The following DNAI4 variants were observed in gnomAD, a reference collection of about 807,000 sequenced individuals.
The protein encoded by DNAI4 is dynein axonemal intermediate chain 4.
DNAI4 carries 85 observed loss-of-function variants against 105.8 expected under a neutral mutation model. The observed-to-expected ratio is 0.80, with a 90% CI of 0.67 to 0.96. The LOEUF is 0.96. Ranked by LOEUF, DNAI4 falls within the 40% of genes least tolerant of loss-of-function variation. DNAI4 has a pLI of 0.00. For synonymous variants in DNAI4, 352 were observed against 331.5 expected (o/e 1.06, Z -0.67); for missense variants, 1,014 against 1,005.6 (o/e 1.01, Z -0.11).
intron 8 of DNAI4, among the ~76,000 whole-genome samples, chr1:66,844,014 G>A (rs1646211718): frequency 7.2e-6 from 1 of 138,156 alleles, no homozygotes; most frequent in South Asian, 2.2e-4. Context: ...GCCAGGAACA[G>A]TGGCTCATGT....
intron 1 of DNAI4, among the ~76,000 whole-genome samples, chr1:66,918,793 A>AT (rs985220673): frequency 6.6e-5 from 10 of 152,238 alleles, no homozygotes; most frequent in East Asian, 1.9e-4. Flanking sequence ...TCTCCAAAAG[A>AT]TTTTTTTAAA....
At chr1:66,888,435 C>T (rs1292129410) in intron 4 of DNAI4, among the ~76,000 whole-genome samples, 2 of 152,140 alleles carry the variant, frequency 1.3e-5, no homozygotes, top group African/African-American at 4.8e-5. Context: ...TGGCTCACGC[C>T]TGTAATCCCA....
At chr1:66,837,383 A>AAAC (rs1646049905) in intron 10 of DNAI4, among the ~76,000 whole-genome samples, 1 of 151,636 alleles carries the variant, frequency 6.6e-6, no homozygotes, top group East Asian at 1.9e-4. Context: ...AAAAAAAAAA[A>AAAC]ACATAATTTT....
At chr1:66,905,865 T>C (rs1307911741) in intron 1 of DNAI4, among the ~76,000 whole-genome samples, 1 of 151,968 alleles carries the variant, frequency 6.6e-6, no homozygotes, top group East Asian at 1.9e-4. Flanking sequence ...GATTTAAACA[T>C]GATTAATAAA....
rs928756541 is a variant in DNAI4 at position 66,892,146 on chromosome 1, G to T, written c.531-880C>A. Among the ~76,000 whole-genome samples the T allele has an allele frequency of 7.2e-5, 11 of 152,256 alleles. 2 individuals are homozygous for T. The highest frequency in any genetic ancestry group is 1.3e-4 in the Admixed American group (2 of 15,284). ...ACATATGAACTTAGCAGTACTCCAT[G>T]GTATTACATACTTTCTTTTTTGTTC... On this transcript the variant is annotated intron_variant, in intron 3 of 16. Transcript: ENST00000371026.
At chr1:66,903,681 A>T (rs1347008232) in intron 2 of DNAI4, among the ~76,000 whole-genome samples, 1 of 152,118 alleles carries the variant, frequency 6.6e-6, no homozygotes, top group African/African-American at 2.4e-5. Context: ...TTTTTAGTAG[A>T]GACGGGGTTT....
intron 15 of DNAI4, 34 bp from the exon 16 acceptor site, chr1:66,822,551 G>T: frequency 2.7e-6 from 4 of 1,498,318 alleles, no homozygotes; most frequent in Non-Finnish European, 3.6e-6. Flanking sequence ...AAATTCAATT[G>T]TTATATTAAT....
chr1:66,910,078 T>C (rs1348439664), intron 1 of DNAI4, among the ~76,000 whole-genome samples: 1 of 152,142 alleles, frequency 6.6e-6, no homozygotes, highest in Admixed American at 6.5e-5. Flanking sequence ...TTGGGCACAG[T>C]GACTTATGCC....
At position 66,840,646 on chromosome 1, in the gene DNAI4, A is replaced by G. The variant is rs746352394; in HGVS notation, c.1317T>C (p.Asp439=). The change falls in exon 9 of 17, where the codon GAT becomes GAC. Residue 439 remains aspartate (D), a synonymous_variant. Transcript: ENST00000371026. ...LKEPEPEEPE[D]VLESAKHEEV... ...CTTCATGTTTTGCACTTTCTAAAAC[A>G]TCTTCAGGCTCTTCAGGTTCAGGTT... The G allele has an allele frequency of 3.7e-6, 6 of 1,614,212 alleles. No homozygotes were observed. The South Asian group carries it at 5.5e-5, about 15-fold the overall frequency.
intron 8 of DNAI4, 53 bp from the exon 9 acceptor site, chr1:66,840,724 G>T: frequency 6.3e-7 from 1 of 1,577,008 alleles, no homozygotes; most frequent in Non-Finnish European, 8.7e-7. Flanking sequence ...ATAGGGACCT[G>T]CCAAAGGCTC....
intron 8 of DNAI4, among the ~76,000 whole-genome samples, chr1:66,843,827 T>C (rs1184029783): frequency 6.6e-6 from 1 of 152,200 alleles, no homozygotes; most frequent in Non-Finnish European, 1.5e-5. Flanking sequence ...GGCAGATCTA[T>C]TACTAGGCTC....
At chr1:66,848,260 T>C (rs931336248) in intron 7 of DNAI4, 1 of 456,176 alleles carries the variant, frequency 2.2e-6, no homozygotes, top group Non-Finnish European at 4.4e-6. Flanking sequence ...GCAACATTGA[T>C]TGCATTCCCG....
intron 13 of DNAI4, among the ~76,000 whole-genome samples, chr1:66,830,504 C>T (rs938389555): frequency 5.4e-4 from 82 of 151,800 alleles, no homozygotes; most frequent in African/African-American, 1.8e-3. Context: ...AGGCCAGGCG[C>T]GGTGGCCGAA....
At chr1:66,877,153 C>A (rs1292279276) in intron 4 of DNAI4, among the ~76,000 whole-genome samples, 2 of 152,142 alleles carry the variant, frequency 1.3e-5, no homozygotes, top group Non-Finnish European at 2.9e-5. Flanking sequence ...CCTTCCTTGG[C>A]CTCTACTTTA....
chr1:66,849,068 C>A lies in DNAI4; in HGVS notation c.1097-1390G>T, dbSNP rs565212287. 3.9e-5 allele frequency among the ~76,000 whole-genome samples: 6 copies of A among 152,262 alleles called. No individual in the cohort carries two copies. The South Asian group carries it at 1.0e-3, about 26-fold the overall frequency. On this transcript the variant is annotated intron_variant, in intron 7 of 16. Coordinates refer to ENST00000371026, the MANE Select transcript of DNAI4 (RefSeq NM_024763.5). ...CCCCTTCCTACAGTGTCAGTGGAGACCAGCTGGGGATCCTGGAATTCCAAC... is the reference window on the plus strand; with the variant it reads ...CCCCTTCCTACAGTGTCAGTGGAGAACAGCTGGGGATCCTGGAATTCCAAC...
chr1:66,848,413 C>T (rs1386824262), intron 7 of DNAI4: 2 of 365,426 alleles, frequency 5.5e-6, no homozygotes, highest in Non-Finnish European at 1.1e-5. Flanking sequence ...ATTGTAATCA[C>T]ATCTGGAAAA....
chr1:66,872,694 T>A (rs1476979744), intron 5 of DNAI4, among the ~76,000 whole-genome samples: 2 of 152,132 alleles, frequency 1.3e-5, no homozygotes, highest in African/African-American at 4.8e-5. Context: ...AAATTACTTT[T>A]ATATTCCAAT....
chr1:66,880,350 C>T (rs1029118390), intron 4 of DNAI4, among the ~76,000 whole-genome samples: 2 of 152,116 alleles, frequency 1.3e-5, no homozygotes, highest in South Asian at 2.1e-4. Context: ...CAGAAGAAGA[C>T]AGGAAAATGT....
chr1:66,911,765 A>T (rs1649673812), intron 1 of DNAI4, among the ~76,000 whole-genome samples: 1 of 152,236 alleles, frequency 6.6e-6, no homozygotes, highest in Non-Finnish European at 1.5e-5. Flanking sequence ...TTGTGAAGGA[A>T]GGAGTCAAGC....
Sources: gnomAD v4.1 joint callset for allele counts (sites outside exome capture counted in the v4.1 genomes callset) on GRCh38, gnomAD v4.1.1 for gene constraint, MANE v1.5 for transcripts, NCBI Gene and HGNC (gene_info 2026-07-23, HGNC 2026-07-21) for gene names.